MKNK1: variants seen among roughly 807,000 people sequenced by gnomAD.
MKNK1 encodes MAP kinase-interacting serine/threonine-protein kinase 1.
Under a neutral mutation model 49.3 loss-of-function variants are expected in MKNK1, and 30 were observed. The ratio of observed to expected loss-of-function variants is 0.61; its 90% confidence interval spans 0.46 to 0.83. The LOEUF is 0.83. MKNK1 is among the 40% of genes least tolerant of loss of function. MKNK1 has a pLI of 0.00. For synonymous variants in MKNK1, 176 were observed against 201.7 expected (o/e 0.87, Z 1.08); for missense variants, 423 against 524.7 (o/e 0.81, Z 1.89).
chr1:46,571,249 A>G (rs952157338), intron 7 of MKNK1, among the ~76,000 whole-genome samples: 4 of 152,244 alleles, frequency 2.6e-5, no homozygotes, highest in East Asian at 1.9e-4. Flanking sequence ...GTACATGTTA[A>G]TAGAAAAGTA....
At position 46,572,497 on chromosome 1, in the gene MKNK1, C is replaced by T. The variant is rs3737732; in HGVS notation, c.353-330G>A. Among the ~76,000 whole-genome samples the T allele has an allele frequency of 1.6e-3, 243 of 152,114 alleles. 6 individuals carry two copies. The South Asian group carries it at 0.027, about 17-fold the overall frequency. On this transcript the variant is annotated intron_variant, in intron 6 of 12. Transcript: ENST00000371945. ...CCTCCCAAACTGTTGGGATTACAGG[C>T]GTGAGCCACTGCGCCTGGCCGTATA... is the stretch of plus-strand genomic sequence containing the variant.
At chr1:46,563,033 A>C in intron 9 of MKNK1, 190 bp from the exon 10 acceptor site, 1 of 551,190 alleles carries the variant, frequency 1.8e-6, no homozygotes, top group South Asian at 2.5e-5. Flanking sequence ...GAGCTCCATC[A>C]TTTTCCATCA....
intron 1 of MKNK1, among the ~76,000 whole-genome samples, chr1:46,597,634 G>C (rs759029005): frequency 6.6e-5 from 10 of 152,158 alleles, no homozygotes; most frequent in Non-Finnish European, 1.2e-4. Context: ...TCCTACACTT[G>C]TGCATAATTA....
rs150913318 is a variant in MKNK1 at position 46,582,696 on chromosome 1, CA to C, written c.100+531del. 2,489 of 362,130 alleles carry C rather than the reference CA, an allele frequency of 6.9e-3. 24 individuals carry two copies. The highest frequency in any genetic ancestry group is 0.011 in the Middle Eastern group (13 of 1,204). The allele number at this position is 362,130 out of a possible 1,614,324, so 22.4% of individuals were successfully genotyped here. A position where few individuals can be genotyped will look rare whatever the true frequency, so the allele number is the denominator to read the frequency against. ...CTAGTGCCTCGCACACAGAGAGTGT[CA>C]AAAAATGTCTGATGACCCAACATCG... On this transcript the variant is annotated intron_variant, in intron 3 of 12. Coordinates refer to ENST00000371945, the MANE Select transcript of MKNK1 (RefSeq NM_001135553.4).
intron 2 of MKNK1, among the ~76,000 whole-genome samples, chr1:46,590,274 G>A (rs1673150770): frequency 6.6e-6 from 1 of 152,174 alleles, no homozygotes; most frequent in African/African-American, 2.4e-5. Flanking sequence ...GAGGCAATGA[G>A]GGGGTACCTG....
intron 2 of MKNK1, 147 bp downstream of exon 2, chr1:46,593,966 G>T: frequency 1.6e-6 from 1 of 614,874 alleles, no homozygotes. Context: ...CGTTATCTGA[G>T]TCGTACCAGG....
chr1:46,587,369 C>G (rs561231063), intron 2 of MKNK1, among the ~76,000 whole-genome samples: 1 of 152,332 alleles, frequency 6.6e-6, no homozygotes, highest in East Asian at 1.9e-4. Context: ...GGAAGGCACA[C>G]AGGCTTGGCA....
chr1:46,577,044 G>A (rs1362309152), intron 4 of MKNK1, among the ~76,000 whole-genome samples: 1 of 152,224 alleles, frequency 6.6e-6, no homozygotes, highest in East Asian at 1.9e-4. Context: ...TTCTCATGCT[G>A]GAGGGAGAGG....
At chr1:46,564,287 G>A (rs1668607735) in intron 9 of MKNK1, among the ~76,000 whole-genome samples, 1 of 151,636 alleles carries the variant, frequency 6.6e-6, no homozygotes, top group Admixed American at 6.6e-5. Context: ...AGACTATCCT[G>A]TCCAGTCAGG....
chr1:46,585,617 T>C lies in MKNK1; in HGVS notation c.-2-2288A>G, dbSNP rs188957452. 33 of 341,622 alleles carry C rather than the reference T, an allele frequency of 9.7e-5. No homozygotes were observed. The East Asian group carries it at 2.4e-3, about 25-fold the overall frequency. The allele number at this position is 341,622 out of a possible 1,614,324, so 21.2% of individuals were successfully genotyped here. A position where few individuals can be genotyped will look rare whatever the true frequency, so the allele number is the denominator to read the frequency against. ...TCTCCTTCCCCTGTCCACACTTTGA[T>C]GGAGGGCCCCAGGACAAGCAAAACA... On this transcript the variant is annotated intron_variant, in intron 2 of 12. Transcript: ENST00000371945.
At chr1:46,560,083 G>A (rs1015213874) in intron 12 of MKNK1, 151 bp downstream of exon 12, 12 of 849,286 alleles carry the variant, frequency 1.4e-5, no homozygotes, top group Non-Finnish European at 1.9e-5. Flanking sequence ...TAGATCCAGA[G>A]TAGAGGAAAA....
rs772444926 is a variant in MKNK1 at position 46,565,055 on chromosome 1, C to G, written c.595G>C (p.Glu199Gln). ...NNSCTPITTPELTTPCGSAEY... is the reference protein window; with the variant it reads ...NNSCTPITTPQLTTPCGSAEY... The stretch of plus-strand genomic sequence containing the variant: ...AGCATACGTACTGGGGTGGTCAGCT[C>G]TGGTGTGGTTATGGGGGTACAGGAG... Residue 199 changes from glutamate (E) to glutamine (Q), a missense_variant, in exon 9 of 13, where the codon GAG (glutamate) becomes CAG (glutamine). Physicochemically the swap from Glu to Gln is conservative, Grantham distance 29. Transcript: ENST00000371945. 9 of 1,614,192 alleles carry G rather than the reference C, an allele frequency of 5.6e-6. No homozygotes were observed. In the South Asian group the frequency reaches 9.9e-5, roughly 18 times the overall value.
At chr1:46,567,407 A>G (rs1157360013) in intron 8 of MKNK1, among the ~76,000 whole-genome samples, 1 of 152,230 alleles carries the variant, frequency 6.6e-6, no homozygotes, top group Non-Finnish European at 1.5e-5. Flanking sequence ...TAATAATAGT[A>G]TCTACCTCAT....
intron 2 of MKNK1, chr1:46,585,650 G>A: frequency 5.6e-6 from 2 of 355,896 alleles, no homozygotes; most frequent in Non-Finnish European, 1.1e-5. Flanking sequence ...ACAGCCAAAA[G>A]ACAGGCAGAG....
At chr1:46,572,735 G>T (rs1670382527) in intron 6 of MKNK1, among the ~76,000 whole-genome samples, 1 of 152,024 alleles carries the variant, frequency 6.6e-6, no homozygotes, top group Admixed American at 6.6e-5. Context: ...TATAAATAGG[G>T]CCAAAAAACA....
chr1:46,570,217 G>A (rs562170755), intron 7 of MKNK1: 5 of 152,186 alleles, frequency 3.3e-5, no homozygotes, highest in African/African-American at 9.6e-5. Context: ...GTGCATTCTT[G>A]TAAATAAATA....
At chr1:46,580,509 G>T in intron 4 of MKNK1, 21 bp downstream of exon 4, 2 of 1,536,822 alleles carry the variant, frequency 1.3e-6, no homozygotes, top group Non-Finnish European at 1.8e-6. Context: ...GTAAAGCCTG[G>T]CATTCAGCTG....
intron 4 of MKNK1, among the ~76,000 whole-genome samples, chr1:46,580,038 T>G (rs1671513221): frequency 6.6e-6 from 1 of 152,234 alleles, no homozygotes; most frequent in Admixed American, 6.5e-5. Flanking sequence ...AATTTTCATC[T>G]TCATAACTGC....
chr1:46,580,311 G>T, intron 4 of MKNK1: 1 of 540,678 alleles, frequency 1.8e-6, no homozygotes, highest in Non-Finnish European at 3.3e-6. Flanking sequence ...TTCTACATAG[G>T]TTCTAGTATT....
Sources: allele counts gnomAD v4.1 joint callset (sites outside exome capture counted in the v4.1 genomes callset), GRCh38; gene constraint gnomAD v4.1.1; transcripts MANE v1.5; gene names NCBI Gene and HGNC (gene_info 2026-07-23, HGNC 2026-07-21).